The following BMP2K variants were observed in gnomAD, a reference collection of about 807,000 sequenced individuals.
BMP2K encodes BMP2 inducible kinase, also known as BMP-2-inducible protein kinase.
Under a neutral mutation model 116.0 loss-of-function variants are expected in BMP2K, and 74 were observed. The observed-to-expected ratio is 0.64, with a 90% CI of 0.53 to 0.77. The LOEUF (loss-of-function observed/expected upper bound fraction) is 0.77, where lower values mean the gene tolerates loss of function less well. Ranked by LOEUF, BMP2K falls within the 30% of genes least tolerant of loss-of-function variation. BMP2K has a pLI of 0.00. For missense variants in BMP2K, 1,365 were observed against 1,403.6 expected (o/e 0.97, Z 0.44); for synonymous variants, 486 against 502.5 (o/e 0.97, Z 0.44).
At chr4:78,803,844 G>T (rs1430984340) in intron 1 of BMP2K, among the ~76,000 whole-genome samples, 1 of 152,132 alleles carries the variant, frequency 6.6e-6, no homozygotes, top group African/African-American at 2.4e-5. Flanking sequence ...TTAGGATCAT[G>T]TGTACCTTTT....
At position 78,829,753 on chromosome 4, in the gene BMP2K, ATCTTT is replaced by A. The variant is rs775196460; in HGVS notation, c.297+3632_297+3636del. Reference sequence around the variant, plus strand: ...TGTTGTGTTAGCAGGCATGGAAACAATCTTTTCTTTTCTTTTCTTTTCTTTTCTTT... The same window carrying A: ...TGTTGTGTTAGCAGGCATGGAAACAATCTTTTCTTTTCTTTTCTTTTCTTT... On this transcript the variant is annotated intron_variant, in intron 2 of 15. Transcript: ENST00000502613. 4.9e-3 allele frequency among the ~76,000 whole-genome samples: 596 copies of A among 121,974 alleles called. 3 individuals carry two copies. Among genetic ancestry groups the A allele is most frequent in the East Asian group, 0.013 (56 of 4,198 alleles). The allele number at this position is 121,974 out of a possible 152,430, so 80.0% of individuals were successfully genotyped here.
intron 1 of BMP2K, among the ~76,000 whole-genome samples, chr4:78,784,835 A>C (rs1338868713): frequency 6.6e-6 from 1 of 151,900 alleles, no homozygotes; most frequent in Non-Finnish European, 1.5e-5. Flanking sequence ...TTTTGACTTC[A>C]GTTTCCTCAA....
Position 78,872,703 on chromosome 4 carries a change from C to G in BMP2K, c.1698C>G (p.Thr566=), listed in dbSNP as rs749038723. ...SQQQASPEYL[T]SPQEFSPALV... Reference sequence around the variant, plus strand: ...AACAGGCATCACCTGAATATCTTACCTCCCCTCAAGAGTTCTCACCAGCCT... The same window carrying G: ...AACAGGCATCACCTGAATATCTTACGTCCCCTCAAGAGTTCTCACCAGCCT... Residue 566 remains threonine (T), a synonymous_variant, in exon 13 of 16, where the codon ACC becomes ACG. Transcript: ENST00000502613. The G allele has an allele frequency of 1.9e-6, 3 of 1,614,130 alleles. No homozygotes were observed. The highest frequency in any genetic ancestry group is 2.5e-6 in the Non-Finnish European group (3 of 1,180,008).
intron 7 of BMP2K, among the ~76,000 whole-genome samples, chr4:78,851,416 T>A (rs937366237): frequency 1.3e-5 from 2 of 152,100 alleles, no homozygotes; most frequent in African/African-American, 4.8e-5. Context: ...TAATTTAACT[T>A]TTTATATATC....
intron 2 of BMP2K, 139 bp from the exon 3 acceptor site, chr4:78,833,443 T>C (rs910304903): frequency 3.9e-6 from 2 of 506,438 alleles, no homozygotes; most frequent in Non-Finnish European, 6.6e-6. Flanking sequence ...CTTTGCTTGC[T>C]TGAAATATGT....
At chr4:78,855,755 G>A (rs1190813310) in intron 7 of BMP2K, among the ~76,000 whole-genome samples, 1 of 152,130 alleles carries the variant, frequency 6.6e-6, no homozygotes, top group African/African-American at 2.4e-5. Flanking sequence ...TCTATTTTGT[G>A]TTCTTAGGTT....
chr4:78,779,772 T>TA (rs537140948), intron 1 of BMP2K, among the ~76,000 whole-genome samples: 59 of 152,338 alleles, frequency 3.9e-4, no homozygotes, highest in South Asian at 1.9e-3. Context: ...ACTAAACTGT[T>TA]AAAGTTTTCT....
At chr4:78,889,149 A>G (rs895659334) in intron 15 of BMP2K, among the ~76,000 whole-genome samples, 5 of 138,650 alleles carry the variant, frequency 3.6e-5, no homozygotes, top group Non-Finnish European at 4.6e-5. Context: ...TGAACCCGGG[A>G]GGCGGAGTTT....
chr4:78,851,744 G>A (rs565822547), intron 7 of BMP2K, among the ~76,000 whole-genome samples: 22 of 152,082 alleles, frequency 1.4e-4, no homozygotes, highest in Admixed American at 1.4e-3. Context: ...TGCTAAAATT[G>A]CAGATAAATC....
At chr4:78,793,842 GTAT>G (rs1199174874) in intron 1 of BMP2K, among the ~76,000 whole-genome samples, 2 of 151,722 alleles carry the variant, frequency 1.3e-5, no homozygotes, top group African/African-American at 4.8e-5. Context: ...GGTCAAAAAT[GTAT>G]TATTAAAACT....
chr4:78,816,343 G>A (rs1729351557), intron 1 of BMP2K, among the ~76,000 whole-genome samples: 1 of 152,028 alleles, frequency 6.6e-6, no homozygotes, highest in African/African-American at 2.4e-5. Context: ...TTTCATACTT[G>A]GGTACTATAT....
intron 15 of BMP2K, among the ~76,000 whole-genome samples, chr4:78,895,612 G>T (rs1333358013): frequency 6.6e-6 from 1 of 152,010 alleles, no homozygotes. Context: ...AAAATAAGAA[G>T]ATGGATCTAT....
At chr4:78,789,318 CTCTT>C (rs1226962987) in intron 1 of BMP2K, among the ~76,000 whole-genome samples, 4 of 152,162 alleles carry the variant, frequency 2.6e-5, no homozygotes, top group African/African-American at 7.2e-5. Context: ...TAGTTATGGC[CTCTT>C]TCTTTTATTT....
At chr4:78,824,541 T>G (rs1237059782) in intron 1 of BMP2K, among the ~76,000 whole-genome samples, 1 of 152,166 alleles carries the variant, frequency 6.6e-6, no homozygotes, top group Non-Finnish European at 1.5e-5. Flanking sequence ...GTTTCAATTA[T>G]CTCCACCAGG....
chr4:78,808,655 T>TA (rs932778874), intron 1 of BMP2K, among the ~76,000 whole-genome samples: 3 of 152,204 alleles, frequency 2.0e-5, no homozygotes, highest in African/African-American at 7.2e-5. Context: ...GGCGTGCTGT[T>TA]TTTTAAATTT....
intron 15 of BMP2K, among the ~76,000 whole-genome samples, chr4:78,910,146 A>T (rs147986852): frequency 3.2e-4 from 49 of 152,362 alleles, no homozygotes; most frequent in African/African-American, 1.1e-3. Flanking sequence ...TTAAAAAAAT[A>T]GTGAAACAAA....
At chr4:78,785,024 C>T (rs1349577786) in intron 1 of BMP2K, among the ~76,000 whole-genome samples, 2 of 152,074 alleles carry the variant, frequency 1.3e-5, no homozygotes, top group Admixed American at 6.6e-5. Context: ...TGTGTTTGAT[C>T]GTTATACAAT....
At chr4:78,816,331 C>T (rs1051266157) in intron 1 of BMP2K, among the ~76,000 whole-genome samples, 1 of 152,106 alleles carries the variant, frequency 6.6e-6, no homozygotes, top group Admixed American at 6.6e-5. Context: ...TGATGTTTTT[C>T]CTTTCATACT....
chr4:78,800,675 T>C (rs994100225), intron 1 of BMP2K, among the ~76,000 whole-genome samples: 1 of 152,222 alleles, frequency 6.6e-6, no homozygotes, highest in Non-Finnish European at 1.5e-5. Context: ...TAGTTTAAAC[T>C]ACAGCTGTCT....
Sources: gnomAD v4.1 joint callset for allele counts (sites outside exome capture counted in the v4.1 genomes callset) on GRCh38, gnomAD v4.1.1 for gene constraint, MANE v1.5 for transcripts, NCBI Gene and HGNC (gene_info 2026-07-23, HGNC 2026-07-21) for gene names.